Variants in RSF1 observed in about 807,000 individuals in gnomAD.
RSF1 encodes the protein HBV pX-associated protein 8.
Under a neutral mutation model 145.2 loss-of-function variants are expected in RSF1, and 13 were observed. That is an observed-to-expected ratio of 0.09 (90% CI 0.06 to 0.14). The LOEUF is 0.14. Among genes scored for constraint, RSF1 ranks in the 10% least tolerant of loss-of-function variants. The probability of loss-of-function intolerance (pLI) is 1.00; values close to 1 mark genes in which losing one functional copy is unlikely to be tolerated. For missense variants in RSF1, 1,517 were observed against 1,718.2 expected, an observed-to-expected ratio of 0.88 and a Z score of 2.07; for synonymous variants, 577 against 592.6, an observed-to-expected ratio of 0.97 and a Z score of 0.38.
the RSF1 span, among the ~76,000 whole-genome samples, chr11:77,835,599 G>C: frequency 6.6e-6 from 1 of 152,104 alleles, no homozygotes; most frequent in Non-Finnish European, 1.5e-5. Context: ...ATTTTCCTAT[G>C]CATTTCCTTA....
chr11:77,764,801 A>T, intron 1 of RSF1, 112 bp from the exon 2 acceptor site: 1 of 706,112 alleles, frequency 1.4e-6, no homozygotes. Context: ...CAAAACAGAC[A>T]GTGTTGATAC....
At chr11:77,803,425 G>A (rs895794764) in intron 1 of RSF1, among the ~76,000 whole-genome samples, 5 of 151,488 alleles carry the variant, frequency 3.3e-5, no homozygotes, top group African/African-American at 1.2e-4. Context: ...GGGATTACAG[G>A]CATGAGCCAC....
chr11:77,674,451 C>A (rs895418527), intron 14 of RSF1, among the ~76,000 whole-genome samples: 1 of 152,216 alleles, frequency 6.6e-6, no homozygotes, highest in Non-Finnish European at 1.5e-5. Flanking sequence ...TCTTCTCTCT[C>A]CAACAGCTGG....
In RSF1 at chr11:77,740,798, G is replaced by C; in HGVS notation, c.511C>G (p.His171Asp). 6.2e-7 allele frequency: 1 copy of C among 1,614,062 alleles called. No homozygotes were observed. The highest frequency in any genetic ancestry group is 8.5e-7 in the Non-Finnish European group (1 of 1,179,944). Residue 171 changes from histidine to aspartate, a missense_variant, in exon 4 of 16, where the codon CAC becomes GAC. This residue lies in a region of RSF1 where 94 missense variants were observed against 143.6 expected (regional missense o/e 0.65). Transcript: ENST00000308488. ...LMYWYQLDQDHNVRMYIEEQD... is the reference protein window; with the variant it reads ...LMYWYQLDQDDNVRMYIEEQD... ...TCTTCTATGTACATTCTGACATTGT[G>C]ATCTTGATCCAATTGGTACCAGTAC...
intron 7 of RSF1, among the ~76,000 whole-genome samples, chr11:77,696,628 C>T (rs1384592635): frequency 1.3e-5 from 2 of 152,188 alleles, no homozygotes; most frequent in East Asian, 3.8e-4. Flanking sequence ...AGGTAAAATG[C>T]CCTCTTTTAG....
chr11:77,865,801 T>C, the RSF1 span, among the ~76,000 whole-genome samples: 1 of 152,224 alleles, frequency 6.6e-6, no homozygotes, highest in South Asian at 2.1e-4. Context: ...TTGTATGAAA[T>C]GTTTCCTCTA....
chr11:77,768,755 G>A (rs1489140336), intron 1 of RSF1, among the ~76,000 whole-genome samples: 1 of 152,136 alleles, frequency 6.6e-6, no homozygotes, highest in African/African-American at 2.4e-5. Flanking sequence ...TCTGTCAACT[G>A]ATAAGAAACA....
In RSF1 at chr11:77,672,722, G is replaced by A. The variant is rs191755598; in HGVS notation, c.3563-492C>T. 2.3e-3 allele frequency among the ~76,000 whole-genome samples: 350 copies of A among 149,202 alleles called. 1 individual carries two copies. Among genetic ancestry groups the A allele is most frequent in the African/African-American group, 5.0e-3 (204 of 40,484 alleles). On this transcript the variant is annotated intron_variant, in intron 14 of 15. Transcript: ENST00000308488. ...TTTTGAGACAGAGTCTCACTATGTC[G>A]CCCAGGCTGGAGTGCAGTGGCATGA...
chr11:77,682,187 T>C (rs1959880476), intron 11 of RSF1, among the ~76,000 whole-genome samples: 3 of 152,198 alleles, frequency 2.0e-5, no homozygotes, highest in African/African-American at 7.2e-5. Context: ...TATTCCTGTA[T>C]ATATGGGATT....
chr11:77,719,485 G>A (rs891437002), intron 5 of RSF1, among the ~76,000 whole-genome samples: 2 of 152,260 alleles, frequency 1.3e-5, no homozygotes, highest in Admixed American at 6.5e-5. Flanking sequence ...TAAATCTCAC[G>A]TAAATAGAAA....
intron 7 of RSF1, among the ~76,000 whole-genome samples, chr11:77,696,833 T>C (rs908886206): frequency 2.6e-5 from 4 of 152,226 alleles, no homozygotes; most frequent in African/African-American, 9.6e-5. Flanking sequence ...TCAACATCTA[T>C]TCTTCTCAGA....
the RSF1 span, among the ~76,000 whole-genome samples, chr11:77,832,337 T>C: frequency 6.6e-6 from 1 of 152,192 alleles, no homozygotes; most frequent in Non-Finnish European, 1.5e-5. Context: ...GAACTTTTTT[T>C]TTTTTTGAGA....
intron 1 of RSF1, among the ~76,000 whole-genome samples, chr11:77,817,727 A>C (rs1490370864): frequency 1.3e-5 from 2 of 152,206 alleles, no homozygotes; most frequent in Non-Finnish European, 2.9e-5. Flanking sequence ...AATAGGAATA[A>C]TACTATCAAC....
intron 9 of RSF1, among the ~76,000 whole-genome samples, chr11:77,688,163 G>A (rs750273740): frequency 2.0e-5 from 3 of 152,070 alleles, no homozygotes; most frequent in Admixed American, 2.0e-4. Context: ...ATTGTGGCGC[G>A]TGCCTGTAAT....
chr11:77,802,905 T>G (rs550121340), intron 1 of RSF1, among the ~76,000 whole-genome samples: 1 of 152,158 alleles, frequency 6.6e-6, no homozygotes, highest in Non-Finnish European at 1.5e-5. Context: ...CTATGATATA[T>G]AGCGCCTCTC....
intron 5 of RSF1, among the ~76,000 whole-genome samples, chr11:77,712,612 C>A (rs1008307387): frequency 1.3e-4 from 20 of 152,184 alleles, no homozygotes; most frequent in African/African-American, 4.6e-4. Flanking sequence ...AACTTTCACC[C>A]ACTAATTTTA....
intron 4 of RSF1, among the ~76,000 whole-genome samples, chr11:77,729,163 T>A (rs55190): frequency 0.2 from 30,941 of 152,012 alleles, 3,303 homozygotes; most frequent in East Asian, 0.4. Flanking sequence ...TAAATTTCTC[T>A]CATCATTAAT....
chr11:77,869,795 G>A, the RSF1 span: 7 of 1,613,900 alleles, frequency 4.3e-6, no homozygotes, highest in Admixed American at 1.7e-5. Context: ...GTGATTGGCC[G>A]AGGGATGAGT....
chr11:77,686,737 C>A (rs1482321079), intron 9 of RSF1, among the ~76,000 whole-genome samples: 2 of 152,146 alleles, frequency 1.3e-5, no homozygotes, highest in Non-Finnish European at 2.9e-5. Flanking sequence ...GAGCATCACA[C>A]CATCAGGTCT....
Sources: gnomAD v4.1 joint callset for allele counts (sites outside exome capture counted in the v4.1 genomes callset) on GRCh38, gnomAD v4.1.1 for gene constraint, gnomAD v4.1.1 regional missense constraint, MANE v1.5 for transcripts, NCBI Gene and HGNC (gene_info 2026-07-23, HGNC 2026-07-21) for gene names.